Variants in EHBP1 observed in about 807,000 individuals in gnomAD.
EHBP1 encodes the protein EH domain-binding protein 1.
Under a neutral mutation model 144.0 loss-of-function variants are expected in EHBP1, and 55 were observed. The observed-to-expected ratio is 0.38, with a 90% CI of 0.31 to 0.48. EHBP1 has a LOEUF of 0.48. Ranked by LOEUF, EHBP1 falls within the 20% of genes least tolerant of loss-of-function variation. The pLI is 0.98. For missense variants in EHBP1, 1,200 were observed against 1,364.2 expected (o/e 0.88, Z 1.90); for synonymous variants, 469 against 472.7 (o/e 0.99, Z 0.10).
intron 1 of EHBP1, among the ~76,000 whole-genome samples, chr2:62,697,976 T>C (rs2034158048): frequency 6.6e-6 from 1 of 152,234 alleles, no homozygotes. Context: ...CAGCTCTATA[T>C]GTGTTAGAGA....
chr2:62,968,005 T>C (rs771810733), intron 14 of EHBP1, among the ~76,000 whole-genome samples: 5 of 152,118 alleles, frequency 3.3e-5, no homozygotes, highest in Admixed American at 6.6e-5. Flanking sequence ...TTGAGAGATA[T>C]AGGATACATC....
chr2:62,894,035 A>C (rs528460150), intron 10 of EHBP1, among the ~76,000 whole-genome samples: 23 of 145,904 alleles, frequency 1.6e-4, no homozygotes, highest in African/African-American at 5.8e-4. Flanking sequence ...ACAGAGCGAG[A>C]CTCCGTCTCA....
intron 19 of EHBP1, among the ~76,000 whole-genome samples, chr2:63,028,262 T>G (rs2061072427): frequency 6.6e-6 from 1 of 152,072 alleles, no homozygotes; most frequent in Non-Finnish European, 1.5e-5. Flanking sequence ...AGAAGGTACA[T>G]AGGAAGGATA....
At chr2:62,858,262 G>A in intron 7 of EHBP1, 2 of 526,464 alleles carry the variant, frequency 3.8e-6, no homozygotes, top group Non-Finnish European at 6.8e-6. Context: ...TCTGTTATGG[G>A]TTCATCAAAA....
At chr2:62,713,631 T>G (rs911415024) in intron 2 of EHBP1, among the ~76,000 whole-genome samples, 1 of 152,190 alleles carries the variant, frequency 6.6e-6, no homozygotes, top group Non-Finnish European at 1.5e-5. Context: ...AGAAAGGTAT[T>G]GTTCCCTAGT....
At position 62,900,684 on chromosome 2, in the gene EHBP1, G is replaced by GTATA. The variant is rs147278087; in HGVS notation, c.1185+26168_1185+26171dup. On this transcript the variant is annotated intron_variant, in intron 10 of 22. Coordinates refer to ENST00000431489, the MANE Select transcript of EHBP1 (RefSeq NM_001142616.3). ...GTTTTTTGTGGGTGTGTGTGTATGTGTATATATATATATATATATTTTCTT... is the reference window on the plus strand; with the variant it reads ...GTTTTTTGTGGGTGTGTGTGTATGTGTATATATATATATATATATATATTTTCTT... 2.4e-3 allele frequency among the ~76,000 whole-genome samples: 335 copies of GTATA among 141,512 alleles called. 1 individual carries two copies. The highest frequency in any genetic ancestry group is 3.4e-3 in the Non-Finnish European group (226 of 66,060). The allele number at this position is 141,512 out of a possible 152,430, so 92.8% of individuals were successfully genotyped here.
chr2:62,819,889 T>C (rs1486949969), intron 5 of EHBP1, among the ~76,000 whole-genome samples: 1 of 152,222 alleles, frequency 6.6e-6, no homozygotes, highest in East Asian at 1.9e-4. Flanking sequence ...ACCACAGATG[T>C]ACATGTCAGC....
At chr2:62,718,346 T>G (rs944891362) in intron 2 of EHBP1, among the ~76,000 whole-genome samples, 1 of 152,242 alleles carries the variant, frequency 6.6e-6, no homozygotes, top group African/African-American at 2.4e-5. Flanking sequence ...CAATTTAAAT[T>G]AAATGTAAAA....
chr2:62,948,744 A>G lies in EHBP1; in HGVS notation c.1898A>G (p.Asp633Gly). ...QSSGRTSGSD[D>G]PGICSNTDST... ...TCTGGAAGGACTTCAGGATCTGATG[A>G]CCCTGGAATATGTTCCAATACAGAT... Residue 633 changes from aspartate to glycine, a missense_variant, in exon 13 of 23, where the codon GAC (aspartate) becomes GGC (glycine). Asp to Gly is a moderately conservative substitution (Grantham distance 94). Coordinates refer to ENST00000431489, the MANE Select transcript of EHBP1 (RefSeq NM_001142616.3). 1 of 1,614,122 alleles carries G rather than the reference A, an allele frequency of 6.2e-7. No homozygotes were observed. Among genetic ancestry groups the G allele is most frequent in the Non-Finnish European group, 8.5e-7 (1 of 1,179,996 alleles).
chr2:63,002,165 T>C (rs2059875430), intron 19 of EHBP1, among the ~76,000 whole-genome samples: 1 of 152,178 alleles, frequency 6.6e-6, no homozygotes, highest in Non-Finnish European at 1.5e-5. Context: ...GGTTCTCAAA[T>C]TTGAACATTA....
intron 12 of EHBP1, among the ~76,000 whole-genome samples, chr2:62,946,752 A>C (rs919100970): frequency 2.6e-5 from 4 of 152,192 alleles, no homozygotes; most frequent in African/African-American, 9.6e-5. Flanking sequence ...AGGTTAACCT[A>C]TGGGAAAAGT....
rs373690707 is a variant in EHBP1, at chr2:62,990,852, T to G, written c.2733+12T>G. On this transcript the variant is annotated intron_variant, in intron 16 of 22. Coordinates refer to ENST00000431489, the MANE Select transcript of EHBP1 (RefSeq NM_001142616.3). The stretch of plus-strand genomic sequence containing the variant: ...AGCAGGACATGAAAGTAAGTCTTAC[T>G]TGTTTAAAACATTTGGCTTAGTATC... 86 of 1,605,378 alleles carry G rather than the reference T, an allele frequency of 5.4e-5. No homozygotes were observed. The highest frequency in any genetic ancestry group is 1.5e-4 in the Admixed American group (9 of 58,506).
Position 62,840,175 on chromosome 2 carries a change from A to T in EHBP1, c.634+9017A>T, listed in dbSNP as rs1419561995. On this transcript the variant is annotated intron_variant, in intron 7 of 22. Coordinates refer to ENST00000431489, the MANE Select transcript of EHBP1 (RefSeq NM_001142616.3). ...AATGGAACAGAACAGAGCCCTCAGAAATAACGCCGCATACCTACAACTATC... is the reference window on the plus strand; with the variant it reads ...AATGGAACAGAACAGAGCCCTCAGATATAACGCCGCATACCTACAACTATC... Among the ~76,000 whole-genome samples the T allele has an allele frequency of 1.3e-5, 2 of 150,254 alleles. 1 individual carries two copies. The highest frequency in any genetic ancestry group is 4.9e-5 in the African/African-American group (2 of 40,888).
chr2:62,843,317 A>G (rs566055932), intron 7 of EHBP1, among the ~76,000 whole-genome samples: 26 of 152,296 alleles, frequency 1.7e-4, no homozygotes, highest in Non-Finnish European at 5.9e-5. Context: ...GTTTAATCAC[A>G]TAGTATCTTG....
intron 7 of EHBP1, among the ~76,000 whole-genome samples, chr2:62,851,352 T>C (rs1036660617): frequency 6.6e-6 from 1 of 152,182 alleles, no homozygotes; most frequent in Non-Finnish European, 1.5e-5. Context: ...TTCAAGTGTG[T>C]CATGTTCTCT....
chr2:62,800,730 C>T (rs2043919632), intron 5 of EHBP1, among the ~76,000 whole-genome samples: 2 of 152,176 alleles, frequency 1.3e-5, no homozygotes, highest in African/African-American at 4.8e-5. Flanking sequence ...TATCCTGCCA[C>T]ATATAGGTGT....
At chr2:62,752,494 T>C (rs1422196647) in intron 3 of EHBP1, among the ~76,000 whole-genome samples, 1 of 152,150 alleles carries the variant, frequency 6.6e-6, no homozygotes, top group Non-Finnish European at 1.5e-5. Context: ...GTCTATTAGG[T>C]CTGCTTGGTG....
intron 19 of EHBP1, among the ~76,000 whole-genome samples, chr2:63,017,147 A>G (rs1452117687): frequency 1.3e-5 from 2 of 152,196 alleles, no homozygotes; most frequent in African/African-American, 2.4e-5. Flanking sequence ...TGGAGTAAAG[A>G]ACTCAACTTT....
At chr2:62,897,673 A>C (rs143981433) in intron 10 of EHBP1, among the ~76,000 whole-genome samples, 1 of 152,082 alleles carries the variant, frequency 6.6e-6, no homozygotes, top group East Asian at 1.9e-4. Flanking sequence ...TTTTCTTCCA[A>C]ACTTCTTCTC....
Sources: gnomAD v4.1 joint callset for allele counts (sites outside exome capture counted in the v4.1 genomes callset) on GRCh38, gnomAD v4.1.1 for gene constraint, MANE v1.5 for transcripts, NCBI Gene and HGNC (gene_info 2026-07-23, HGNC 2026-07-21) for gene names.